The following SERPINB13 variants were observed in gnomAD, a reference collection of about 807,000 sequenced individuals.
SERPINB13 encodes serpin family B member 13, also known as serpin B13.
Under a neutral mutation model 31.2 loss-of-function variants are expected in SERPINB13, and 26 were observed. The observed-to-expected ratio is 0.83, with a 90% CI of 0.61 to 1.15. SERPINB13 has a LOEUF of 1.15. Among genes scored for constraint, SERPINB13 ranks in the 50% most tolerant of loss-of-function variants. The pLI, the probability that SERPINB13 is intolerant of heterozygous loss-of-function variation, is 0.00. For synonymous variants in SERPINB13, 191 were observed against 172.4 expected (o/e 1.11, Z -0.85); for missense variants, 510 against 469.4 (o/e 1.09, Z -0.80).
At position 63,592,453 on chromosome 18, in the gene SERPINB13, G is replaced by GA; in HGVS notation, c.337dup (p.Thr113AsnfsTer13). 6.2e-7 allele frequency: 1 copy of GA among 1,612,538 alleles called. No homozygotes were observed. ...GAACATAACCAACAGGCTGTTTGGA[G>GA]AAAAAACATACCTCTTCCTTCAAGT... On this transcript the variant is annotated frameshift_variant, in exon 4 of 8. Coordinates refer to ENST00000344731, the MANE Select transcript of SERPINB13 (RefSeq NM_012397.4). LOFTEE classifies it high-confidence loss of function.
chr18:63,596,501 A>G (rs1912175520), intron 7 of SERPINB13, among the ~76,000 whole-genome samples: 1 of 152,240 alleles, frequency 6.6e-6, no homozygotes, highest in Non-Finnish European at 1.5e-5. Flanking sequence ...TGTAAAGTGA[A>G]TGAATAGCTA....
At chr18:63,594,879 C>A in intron 6 of SERPINB13, 150 bp from the exon 7 acceptor site, 1 of 723,222 alleles carries the variant, frequency 1.4e-6, no homozygotes, top group Non-Finnish European at 2.2e-6. Flanking sequence ...TGAGCAAATG[C>A]ATACTGGTAG....
chr18:63,588,786 T>C lies in SERPINB13; in HGVS notation c.119T>C (p.Met40Thr). Residue 40 changes from methionine to threonine, a missense_variant, in exon 2 of 8, where the codon ATG becomes ACG. Physicochemically the swap from Met to Thr is moderately conservative, Grantham distance 81 (BLOSUM62 -1). Transcript: ENST00000344731. ...SPVGILTAIG[M>T]VLLGTRGATA... ...GTGGGCATCTTGACTGCAATTGGCA[T>C]GGTCCTCCTGGGGACCCGAGGAGCC... 1 of 1,614,168 alleles carries C rather than the reference T, an allele frequency of 6.2e-7. No individual in the cohort carries two copies. The highest frequency in any genetic ancestry group is 8.5e-7 in the Non-Finnish European group (1 of 1,180,018).
At chr18:63,589,794 G>T (rs956484630) in intron 3 of SERPINB13, 79 bp downstream of exon 3, 1 of 1,606,982 alleles carries the variant, frequency 6.2e-7, no homozygotes, top group African/African-American at 1.3e-5. Context: ...TAGGTGTGGG[G>T]TCTCTGGGGA....
At chr18:63,589,335 A>T (rs1911706466) in intron 2 of SERPINB13, among the ~76,000 whole-genome samples, 1 of 152,072 alleles carries the variant, frequency 6.6e-6, no homozygotes, top group African/African-American at 2.4e-5. Context: ...AGGTGCTTAT[A>T]ATCCCAGCTA....
intron 3 of SERPINB13, chr18:63,590,167 T>C (rs549867161): frequency 6.4e-6 from 1 of 155,296 alleles, no homozygotes; most frequent in South Asian, 2.0e-4. Flanking sequence ...TAGCAGTAGG[T>C]GATATTATTG....
chr18:63,598,002 T>C lies in SERPINB13; in HGVS notation c.*639T>C, dbSNP rs2144419455. 1 of 152,354 alleles carries C rather than the reference T, an allele frequency of 6.6e-6. No individual in the cohort carries two copies. The highest frequency in any genetic ancestry group is 2.1e-4 in the South Asian group (1 of 4,830). The allele number at this position is 152,354 out of a possible 1,614,324, so 9.4% of individuals were successfully genotyped here. ...TAAATGTGGTATTTGAGAAGATAAA[T>C]GATGTAGTTGATCAGTATTCCTCCT... is the stretch of plus-strand genomic sequence containing the variant. On this transcript the variant is annotated 3_prime_UTR_variant, in exon 8 of 8. Transcript: ENST00000344731.
chr18:63,588,891 G>A (rs1445814237), intron 2 of SERPINB13, 59 bp downstream of exon 2: 12 of 1,547,032 alleles, frequency 7.8e-6, no homozygotes, highest in Middle Eastern at 2.3e-4. Context: ...TGGCGGGGGG[G>A]TTGTCAGCCC....
chr18:63,597,407 T>A lies in SERPINB13; in HGVS notation c.*44T>A. ...ATTGCTGCTTTTAGCAAAAAACAAC[T>A]ACCAGTGTTACTCATATGATTATGA... is the stretch of plus-strand genomic sequence containing the variant. On this transcript the variant is annotated 3_prime_UTR_variant, in exon 8 of 8. Transcript: ENST00000344731. The A allele has an allele frequency of 6.5e-7, 1 of 1,541,568 alleles. No individual in the cohort carries two copies. The highest frequency in any genetic ancestry group is 8.8e-7 in the Non-Finnish European group (1 of 1,134,912).
chr18:63,589,617 TTCTCTGAGCACCACAGTAATATTTTCTA>T lies in SERPINB13; in HGVS notation c.166-33_166-6del. 10 of 1,603,802 alleles carry T rather than the reference TTCTCTGAGCACCACAGTAATATTTTCTA, an allele frequency of 6.2e-6. No homozygotes were observed. The highest frequency in any genetic ancestry group is 7.7e-6 in the Non-Finnish European group (9 of 1,175,582). On this transcript the variant is annotated splice_polypyrimidine_tract_variant and intron_variant, in intron 2 of 7. Coordinates refer to ENST00000344731, the MANE Select transcript of SERPINB13 (RefSeq NM_012397.4). The stretch of plus-strand genomic sequence containing the variant: ...GACTGATTCTGTGTGAGGTTTTCTC[TTCTCTGAGCACCACAGTAATATTTTCTA>T]TCTCTTCCAGGTGTTTCACTCTGAA...
intron 2 of SERPINB13, 52 bp downstream of exon 2, chr18:63,588,884 C>G (rs7244892): frequency 0.062 from 12,343 of 198,774 alleles, 346 homozygotes; most frequent in African/African-American, 0.3. Flanking sequence ...ATTCATTTGG[C>G]GGGGGGGTTG....
At position 63,594,435 on chromosome 18, in the gene SERPINB13, G is replaced by T. The variant is rs1490019630; in HGVS notation, c.553G>T (p.Gly185Trp). ...LVLVNMVYFK[G>W]QWDREFKKEN... is the part of the protein sequence containing the mutation. ...GCTGGTGAACATGGTTTATTTTAAA[G>T]GGCAATGGGACAGGGAGTTTAAGAA... Residue 185 changes from glycine to tryptophan, a missense_variant, in exon 6 of 8, where the codon GGG (glycine) becomes TGG (tryptophan). Transcript: ENST00000344731. The T allele has an allele frequency of 6.2e-7, 1 of 1,614,138 alleles. No homozygotes were observed. The highest frequency in any genetic ancestry group is 1.1e-5 in the South Asian group (1 of 91,088).
At position 63,597,793 on chromosome 18, in the gene SERPINB13, A is replaced by G. The variant is rs143710735; in HGVS notation, c.*430A>G. The stretch of plus-strand genomic sequence containing the variant: ...ACTCAGCTCATGTTACTATTCCCCA[A>G]CAGATATTGTGGCAAATCACACATA... On this transcript the variant is annotated 3_prime_UTR_variant, in exon 8 of 8. Transcript: ENST00000344731. 4.1e-3 allele frequency: 643 copies of G among 155,348 alleles called. 7 individuals are homozygous for G. The highest frequency in any genetic ancestry group is 0.014 in the African/African-American group (603 of 41,638). The allele number at this position is 155,348 out of a possible 1,614,324, so 9.6% of individuals were successfully genotyped here.
rs1404689483 is a variant in SERPINB13 at position 63,597,287 on chromosome 18, A to T, written c.1100A>T (p.Asn367Ile). The change falls in exon 8 of 8, where the codon AAT becomes ATT. Residue 367 changes from asparagine to isoleucine, a missense_variant. Transcript: ENST00000344731. ...CCAGGTCATGAAAATGTTCACTGCA[A>T]TCATCCCTTCCTGTTCTTCATCAGG... ...SAPGHENVHCNHPFLFFIRHN... is the reference protein window; with the variant it reads ...SAPGHENVHCIHPFLFFIRHN... The T allele has an allele frequency of 6.2e-7, 1 of 1,614,182 alleles. No individual in the cohort carries two copies. The highest frequency in any genetic ancestry group is 8.5e-7 in the Non-Finnish European group (1 of 1,180,048).
chr18:63,589,802 G>A (rs1911746245), intron 3 of SERPINB13, 87 bp downstream of exon 3: 1 of 1,599,774 alleles, frequency 6.3e-7, no homozygotes, highest in Non-Finnish European at 8.5e-7. Context: ...GGGTCTCTGG[G>A]GAAAAGGACT....
chr18:63,587,509 G>A (rs1045787774), intron 1 of SERPINB13, 59 bp downstream of exon 1: 3 of 456,604 alleles, frequency 6.6e-6, no homozygotes, highest in Non-Finnish European at 9.0e-6. Flanking sequence ...AATGATGTTT[G>A]TTGTTTGAAA....
intron 1 of SERPINB13, among the ~76,000 whole-genome samples, chr18:63,587,665 T>C (rs2144381514): frequency 6.6e-6 from 1 of 152,394 alleles, no homozygotes; most frequent in Admixed American, 6.5e-5. Context: ...CAAGGAAACC[T>C]GAGGTTGAAA....
chr18:63,588,867 T>C (rs1911671269), intron 2 of SERPINB13, 35 bp downstream of exon 2: 1 of 1,563,246 alleles, frequency 6.4e-7, no homozygotes, highest in African/African-American at 1.5e-5. Flanking sequence ...TTGTTTCCTA[T>C]GCACAAATTC....
intron 5 of SERPINB13, 53 bp downstream of exon 5, chr18:63,593,024 C>A (rs1427909492): frequency 8.3e-5 from 101 of 1,223,528 alleles, no homozygotes; most frequent in Non-Finnish European, 1.2e-4. Flanking sequence ...AAGAAACAAA[C>A]AAACAAAAAA....
Sources: gnomAD v4.1 joint callset for allele counts (sites outside exome capture counted in the v4.1 genomes callset) on GRCh38, gnomAD v4.1.1 for gene constraint, MANE v1.5 for transcripts, NCBI Gene and HGNC (gene_info 2026-07-23, HGNC 2026-07-21) for gene names.